TAFA2: variants seen among roughly 807,000 people sequenced by gnomAD.
The protein encoded by TAFA2 is TAFA chemokine like family member 2, also known as chemokine-like protein TAFA-2.
A neutral mutation model predicts 18.8 loss-of-function variants in TAFA2; 7 were observed. That is an observed-to-expected ratio of 0.37 (90% confidence interval 0.21 to 0.70). The LOEUF is 0.70. Among genes scored for constraint, TAFA2 ranks in the 30% least tolerant of loss-of-function variants. The pLI is 0.53. For missense variants in TAFA2, 122 were observed against 158.1 expected (o/e 0.77, Z 1.23); for synonymous variants, 60 against 54.2 (o/e 1.11, Z -0.47).
intron 1 of TAFA2, among the ~76,000 whole-genome samples, chr12:61,991,807 A>G (rs1880020752): frequency 6.6e-6 from 1 of 152,176 alleles, no homozygotes; most frequent in South Asian, 2.1e-4. Flanking sequence ...GCTCCTGTCA[A>G]GGTCACCAAT....
chr12:62,140,430 C>T (rs2062231656), intron 1 of TAFA2: 1 of 152,214 alleles, frequency 6.6e-6, no homozygotes, highest in Non-Finnish European at 1.5e-5. Context: ...CCAAGCAAGA[C>T]ATGAGGAGTA....
intron 1 of TAFA2, among the ~76,000 whole-genome samples, chr12:62,100,816 T>G (rs1592335175): frequency 1.3e-5 from 2 of 152,308 alleles, no homozygotes; most frequent in East Asian, 3.9e-4. Context: ...TGAGTGGTAC[T>G]CCTTGCAAAT....
chr12:62,144,047 TAAAA>T (rs34514238), intron 1 of TAFA2, among the ~76,000 whole-genome samples: 6 of 79,166 alleles, frequency 7.6e-5, no homozygotes, highest in Admixed American at 1.5e-4. Flanking sequence ...GACCCTATCT[TAAAA>T]AAAAAAAAAA....
chr12:61,794,523 A>C (rs1342299975), intron 2 of TAFA2, among the ~76,000 whole-genome samples: 1 of 152,064 alleles, frequency 6.6e-6, no homozygotes, highest in Non-Finnish European at 1.5e-5. Context: ...AGAAATTAAG[A>C]TCTAAATCAA....
intron 1 of TAFA2, among the ~76,000 whole-genome samples, chr12:62,086,485 G>A (rs975362934): frequency 6.6e-6 from 1 of 152,030 alleles, no homozygotes; most frequent in Non-Finnish European, 1.5e-5. Context: ...AACGGACAAA[G>A]ACTTGAATAG....
intron 1 of TAFA2, among the ~76,000 whole-genome samples, chr12:62,118,889 G>A (rs1870076687): frequency 6.6e-6 from 1 of 152,134 alleles, no homozygotes; most frequent in Admixed American, 6.6e-5. Context: ...GTTTGTGACA[G>A]TACTTCTCAC....
intron 1 of TAFA2, among the ~76,000 whole-genome samples, chr12:62,178,249 A>G (rs1170626446): frequency 6.6e-6 from 1 of 152,188 alleles, no homozygotes; most frequent in Non-Finnish European, 1.5e-5. Flanking sequence ...GCAGTCAGCT[A>G]TGATTGTACC....
chr12:61,741,155 C>A (rs905484117), intron 4 of TAFA2, among the ~76,000 whole-genome samples: 2 of 152,024 alleles, frequency 1.3e-5, no homozygotes, highest in African/African-American at 2.4e-5. Context: ...TTCCAATATT[C>A]TTATTCGCTC....
At chr12:61,988,343 T>C (rs1879886467) in intron 1 of TAFA2, among the ~76,000 whole-genome samples, 2 of 152,150 alleles carry the variant, frequency 1.3e-5, no homozygotes. Flanking sequence ...ATCTAGAGAA[T>C]TCCAAATTTT....
intron 1 of TAFA2, among the ~76,000 whole-genome samples, chr12:62,100,821 G>A (rs575061535): frequency 6.6e-6 from 1 of 152,266 alleles, no homozygotes; most frequent in South Asian, 2.1e-4. Context: ...GGTACTCCTT[G>A]CAAATGTACA....
chr12:62,245,456 G>A (rs1437048879), intron 1 of TAFA2, among the ~76,000 whole-genome samples: 1 of 151,298 alleles, frequency 6.6e-6, no homozygotes, highest in Non-Finnish European at 1.5e-5. Flanking sequence ...ATTTCCACAT[G>A]GACATTGACA....
intron 1 of TAFA2, among the ~76,000 whole-genome samples, chr12:62,236,927 C>T (rs2062840448): frequency 6.6e-6 from 1 of 152,116 alleles, no homozygotes; most frequent in Non-Finnish European, 1.5e-5. Context: ...TTGAGGTAGT[C>T]TTATTCGGGT....
chr12:61,810,726 A>C (rs1272602292), intron 2 of TAFA2, among the ~76,000 whole-genome samples: 1 of 151,270 alleles, frequency 6.6e-6, no homozygotes, highest in East Asian at 1.9e-4. Flanking sequence ...TAAAGGTAAA[A>C]GTGAAGTGTT....
intron 1 of TAFA2, among the ~76,000 whole-genome samples, chr12:61,999,320 A>G (rs1365248809): frequency 6.6e-6 from 1 of 152,212 alleles, no homozygotes; most frequent in Non-Finnish European, 1.5e-5. Context: ...CTTTCATTCA[A>G]TAGTATCCTA....
At chr12:62,245,990 CTTT>C (rs376867882) in intron 1 of TAFA2, among the ~76,000 whole-genome samples, 2 of 140,670 alleles carry the variant, frequency 1.4e-5, no homozygotes, top group Non-Finnish European at 3.1e-5. Flanking sequence ...ATTGTTATTC[CTTT>C]TTTTTTTTTT....
intron 1 of TAFA2, among the ~76,000 whole-genome samples, chr12:62,062,319 A>T (rs941524168): frequency 6.6e-6 from 1 of 152,178 alleles, no homozygotes; most frequent in African/African-American, 2.4e-5. Flanking sequence ...CTCTTGGGAG[A>T]ACTCACACTT....
At chr12:61,817,004 C>A (rs2121032397) in intron 2 of TAFA2, among the ~76,000 whole-genome samples, 1 of 151,286 alleles carries the variant, frequency 6.6e-6, no homozygotes, top group East Asian at 1.9e-4. Context: ...AGGTTGGAAG[C>A]CCAAAAGAAA....
At chr12:62,076,162 T>G (rs535321684) in intron 1 of TAFA2, among the ~76,000 whole-genome samples, 1 of 152,206 alleles carries the variant, frequency 6.6e-6, no homozygotes, top group East Asian at 1.9e-4. Context: ...GTTGTTGTAT[T>G]AAAAGTTAGC....
chr12:62,042,401 C>CTGTGTGTGTGTG (rs147189045), intron 1 of TAFA2, among the ~76,000 whole-genome samples: 1 of 144,002 alleles, frequency 6.9e-6, no homozygotes, highest in Non-Finnish European at 1.5e-5. Flanking sequence ...GCATTGAAGT[C>CTGTGTGTGTGTG]TGTGTGTGTG....
Sources: gnomAD v4.1 joint callset for allele counts (sites outside exome capture counted in the v4.1 genomes callset) on GRCh38, gnomAD v4.1.1 for gene constraint, MANE v1.5 for transcripts, NCBI Gene and HGNC (gene_info 2026-07-23, HGNC 2026-07-21) for gene names.